FRMD5: variants seen among roughly 807,000 people sequenced by gnomAD.
FRMD5 encodes FERM domain-containing protein 5.
In FRMD5, 20 loss-of-function variants were observed where a neutral mutation model predicts 69.0. The ratio of observed to expected loss-of-function variants is 0.29; its 90% CI spans 0.20 to 0.42. FRMD5 has a LOEUF of 0.42. FRMD5 is among the 10% of genes least tolerant of loss of function. The probability of loss-of-function intolerance (pLI) is 1.00; values close to 1 mark genes in which losing one functional copy is unlikely to be tolerated. For missense variants in FRMD5, 595 were observed against 708.6 expected, an observed-to-expected ratio of 0.84 and a Z score of 1.82; for synonymous variants, 271 against 260.1, an observed-to-expected ratio of 1.04 and a Z score of -0.40.
chr15:44,072,048 C>T (rs1406284501), intron 1 of FRMD5, among the ~76,000 whole-genome samples: 4 of 151,990 alleles, frequency 2.6e-5, no homozygotes, highest in Non-Finnish European at 5.9e-5. Context: ...GTATTTTTAG[C>T]AGAGACGTGG....
chr15:44,055,794 T>C (rs1272921402), intron 1 of FRMD5, among the ~76,000 whole-genome samples: 2 of 152,222 alleles, frequency 1.3e-5, no homozygotes, highest in African/African-American at 4.8e-5. Context: ...ACTTAACCTC[T>C]TTCAGCCTCA....
chr15:43,943,888 A>T (rs561377347), intron 1 of FRMD5, among the ~76,000 whole-genome samples: 1 of 152,328 alleles, frequency 6.6e-6, no homozygotes, highest in Non-Finnish European at 1.5e-5. Context: ...AAATGAATAC[A>T]ACCTCTCCTT....
intron 1 of FRMD5, among the ~76,000 whole-genome samples, chr15:44,180,800 C>T (rs1480185783): frequency 2.0e-5 from 3 of 152,044 alleles, no homozygotes; most frequent in Non-Finnish European, 4.4e-5. Flanking sequence ...AAGAAAAATA[C>T]TGCCAAGATA....
chr15:44,055,910 T>G (rs545673462), intron 1 of FRMD5, among the ~76,000 whole-genome samples: 1 of 152,342 alleles, frequency 6.6e-6, no homozygotes, highest in South Asian at 2.1e-4. Flanking sequence ...TACATCTCCT[T>G]TTCTTTGCGT....
intron 5 of FRMD5, 146 bp from the exon 6 acceptor site, chr15:43,906,097 G>A: frequency 2.0e-6 from 2 of 1,004,180 alleles, no homozygotes; most frequent in Non-Finnish European, 3.0e-6. Context: ...GCTGTGGGCT[G>A]GGCAGAGGGC....
chr15:43,968,525 G>A (rs1482966903), intron 1 of FRMD5, among the ~76,000 whole-genome samples: 1 of 151,980 alleles, frequency 6.6e-6, no homozygotes, highest in Non-Finnish European at 1.5e-5. Context: ...TTGTTCTCCT[G>A]ACTCCTATTC....
At position 43,871,539 on chromosome 15, in the gene FRMD5, C is replaced by T. The variant is rs1406442789; in HGVS notation, c.*2346G>A. On this transcript the variant is annotated 3_prime_UTR_variant, in exon 14 of 14. Coordinates refer to ENST00000417257, the MANE Select transcript of FRMD5 (RefSeq NM_032892.5). Reference sequence around the variant, plus strand: ...CACCAGCCCCCTGTCTCCTGACAGCCTTTTCATCTCTGGGTCTACTTTTCA... The same window carrying T: ...CACCAGCCCCCTGTCTCCTGACAGCTTTTTCATCTCTGGGTCTACTTTTCA... The T allele has an allele frequency of 6.6e-6, 1 of 152,250 alleles. No individual in the cohort carries two copies. The highest frequency in any genetic ancestry group is 2.4e-5 in the African/African-American group (1 of 41,462). The allele number at this position is 152,250 out of a possible 1,614,324, so 9.4% of individuals were successfully genotyped here. A position where few individuals can be genotyped will look rare whatever the true frequency, so the allele number is the denominator to read the frequency against.
chr15:44,100,844 G>A (rs1317665620), intron 1 of FRMD5, among the ~76,000 whole-genome samples: 3 of 152,092 alleles, frequency 2.0e-5, no homozygotes, highest in African/African-American at 4.8e-5. Context: ...ACTAGTTCCT[G>A]CAGCTAGAAA....
At chr15:44,158,971 CA>C (rs897802646) in intron 1 of FRMD5, among the ~76,000 whole-genome samples, 6 of 151,440 alleles carry the variant, frequency 4.0e-5, no homozygotes, top group Non-Finnish European at 8.8e-5. Context: ...CATAGGAAGA[CA>C]AAAAAAATGA....
intron 1 of FRMD5, among the ~76,000 whole-genome samples, chr15:44,098,019 C>A (rs1458596838): frequency 6.6e-6 from 1 of 151,600 alleles, no homozygotes; most frequent in Admixed American, 6.6e-5. Flanking sequence ...GCAGCATGAA[C>A]CTGGCCTGAC....
chr15:44,097,171 C>T (rs969553155), intron 1 of FRMD5, among the ~76,000 whole-genome samples: 1 of 152,256 alleles, frequency 6.6e-6, no homozygotes. Context: ...AGAAGTCCAA[C>T]AAAACCACTT....
intron 1 of FRMD5, among the ~76,000 whole-genome samples, chr15:43,980,674 T>C (rs899009551): frequency 8.5e-5 from 13 of 152,136 alleles, no homozygotes; most frequent in Non-Finnish European, 1.3e-4. Flanking sequence ...AAACCACACA[T>C]CTGAAATCTG....
intron 7 of FRMD5, among the ~76,000 whole-genome samples, chr15:43,895,122 A>G (rs1210396920): frequency 6.6e-6 from 1 of 152,222 alleles, no homozygotes; most frequent in Non-Finnish European, 1.5e-5. Flanking sequence ...GCTACTAGTT[A>G]GCTGAGTTTG....
At chr15:44,033,326 C>T (rs1891768538) in intron 1 of FRMD5, among the ~76,000 whole-genome samples, 1 of 151,940 alleles carries the variant, frequency 6.6e-6, no homozygotes, top group South Asian at 2.1e-4. Context: ...ATAATATCTA[C>T]AACAAACCCC....
intron 4 of FRMD5, among the ~76,000 whole-genome samples, chr15:43,911,088 C>T (rs7165727): frequency 0.024 from 3,636 of 152,318 alleles, 129 homozygotes; most frequent in African/African-American, 0.082. Context: ...GTCTTTATTG[C>T]TCTTCTTAGA....
At chr15:43,961,491 A>G (rs2090200129) in intron 1 of FRMD5, among the ~76,000 whole-genome samples, 2 of 152,362 alleles carry the variant, frequency 1.3e-5, no homozygotes, top group South Asian at 4.1e-4. Flanking sequence ...AGGAACTGGT[A>G]CCATTCCTTC....
intron 1 of FRMD5, among the ~76,000 whole-genome samples, chr15:43,970,906 G>A (rs2090365358): frequency 6.6e-6 from 1 of 152,088 alleles, no homozygotes; most frequent in South Asian, 2.1e-4. Flanking sequence ...AAATTTCATT[G>A]GTGAGTAAGC....
At position 43,890,361 on chromosome 15, in the gene FRMD5, G is replaced by A. The variant is rs558586892; in HGVS notation, c.729-1489C>T. ...AAGCCGTGGAAAGAAAAGTGTCTGT[G>A]AGAACCAAGAGCCATCATGGTTTCT... On this transcript the variant is annotated intron_variant, in intron 8 of 13. Coordinates refer to ENST00000417257, the MANE Select transcript of FRMD5 (RefSeq NM_032892.5). Among the ~76,000 whole-genome samples the A allele has an allele frequency of 2.6e-5, 4 of 152,314 alleles. No individual in the cohort carries two copies. The East Asian group carries it at 5.8e-4, about 22-fold the overall frequency.
At chr15:43,926,336 T>C (rs771928383) in intron 1 of FRMD5, among the ~76,000 whole-genome samples, 35 of 152,154 alleles carry the variant, frequency 2.3e-4, no homozygotes, top group Non-Finnish European at 3.8e-4. Flanking sequence ...GGCGGGTCTA[T>C]GTCTAATTTT....
Sources: allele counts gnomAD v4.1 joint callset (sites outside exome capture counted in the v4.1 genomes callset), GRCh38; gene constraint gnomAD v4.1.1; transcripts MANE v1.5; gene names NCBI Gene and HGNC (gene_info 2026-07-23, HGNC 2026-07-21).